Variants in NSMCE2 observed in about 807,000 individuals in gnomAD.
The protein encoded by NSMCE2 is E3 SUMO-protein ligase NSE2.
In NSMCE2, 24 loss-of-function variants were observed where a neutral mutation model predicts 23.8. The ratio of observed to expected loss-of-function variants is 1.01; its 90% CI spans 0.73 to 1.42. The LOEUF is 1.42. Among genes scored for constraint, NSMCE2 ranks in the 40% most tolerant of loss-of-function variants. The pLI is 0.00. For missense variants in NSMCE2, 284 were observed against 296.5 expected (o/e 0.96, Z 0.31); for synonymous variants, 92 against 94.1 (o/e 0.98, Z 0.13).
chr8:125,268,878 A>T (rs1334408550), intron 5 of NSMCE2, among the ~76,000 whole-genome samples: 1 of 152,224 alleles, frequency 6.6e-6, no homozygotes, highest in Admixed American at 6.5e-5. Context: ...AGCTTAGAAA[A>T]TACAAATTGA....
At position 125,178,534 on chromosome 8, in the gene NSMCE2, G is replaced by A. The variant is rs930549090; in HGVS notation, c.265-3569G>A. ...ATGTTGAAGTCCTAACCCCTAGTAG[G>A]ACCTCAGAATTTGACTGTATTTGGA... is the stretch of plus-strand genomic sequence containing the variant. On this transcript the variant is annotated intron_variant, in intron 4 of 7. Coordinates refer to ENST00000287437, the MANE Select transcript of NSMCE2 (RefSeq NM_173685.4). 2.6e-5 allele frequency among the ~76,000 whole-genome samples: 4 copies of A among 152,116 alleles called. No individual in the cohort carries two copies. The South Asian group carries it at 8.3e-4, about 32-fold the overall frequency.
intron 3 of NSMCE2, among the ~76,000 whole-genome samples, chr8:125,109,412 G>A (rs1818623112): frequency 6.6e-6 from 1 of 152,184 alleles, no homozygotes; most frequent in African/African-American, 2.4e-5. Context: ...ACAGAGAATG[G>A]ATTGGGAGAG....
At chr8:125,201,868 C>T (rs538010883) in intron 5 of NSMCE2, among the ~76,000 whole-genome samples, 10 of 152,340 alleles carry the variant, frequency 6.6e-5, no homozygotes, top group South Asian at 2.1e-4. Flanking sequence ...GCTTCTCAGC[C>T]GCTTTGTTTA....
intron 4 of NSMCE2, among the ~76,000 whole-genome samples, chr8:125,153,325 A>G (rs531788095): frequency 2.1e-4 from 32 of 152,322 alleles, no homozygotes; most frequent in African/African-American, 7.7e-4. Flanking sequence ...CTGTTCTTTT[A>G]TAGGAAGAAA....
chr8:125,331,797 T>C lies in NSMCE2; in HGVS notation c.419-25422T>C, dbSNP rs1466165355. 2.6e-5 allele frequency among the ~76,000 whole-genome samples: 4 copies of C among 152,194 alleles called. No homozygotes were observed. The East Asian group carries it at 7.7e-4, about 29-fold the overall frequency. ...AACGGTAAAGTTTCAGCGTATAGCA[T>C]GGTCCACTTCTTGCAATCACAAATT... On this transcript the variant is annotated intron_variant, in intron 5 of 7. Coordinates refer to ENST00000287437, the MANE Select transcript of NSMCE2 (RefSeq NM_173685.4).
chr8:125,309,184 G>T (rs1348070051), intron 5 of NSMCE2, among the ~76,000 whole-genome samples: 1 of 148,988 alleles, frequency 6.7e-6, no homozygotes, highest in Non-Finnish European at 1.5e-5. Context: ...AGAGGCAGAG[G>T]TTGCAATGAG....
At chr8:125,181,609 T>C (rs1563702332) in intron 4 of NSMCE2, among the ~76,000 whole-genome samples, 1 of 152,138 alleles carries the variant, frequency 6.6e-6, no homozygotes, top group Non-Finnish European at 1.5e-5. Context: ...CACTTATTCC[T>C]TGGCATGGCA....
At chr8:125,353,772 A>G (rs1441672283) in intron 5 of NSMCE2, among the ~76,000 whole-genome samples, 1 of 151,312 alleles carries the variant, frequency 6.6e-6, no homozygotes, top group Non-Finnish European at 1.5e-5. Flanking sequence ...AGTCCCAGCT[A>G]TTTGGGAGGC....
intron 5 of NSMCE2, among the ~76,000 whole-genome samples, chr8:125,329,473 T>C (rs151199598): frequency 6.6e-6 from 1 of 152,334 alleles, no homozygotes; most frequent in East Asian, 1.9e-4. Context: ...ACAAGCATCA[T>C]GTTTTGTTTA....
At chr8:125,157,349 T>C (rs1821381260) in intron 4 of NSMCE2, among the ~76,000 whole-genome samples, 1 of 152,230 alleles carries the variant, frequency 6.6e-6, no homozygotes, top group African/African-American at 2.4e-5. Flanking sequence ...ACTCTTAACA[T>C]GTTTCTTATC....
intron 3 of NSMCE2, among the ~76,000 whole-genome samples, chr8:125,135,770 C>T (rs555166564): frequency 2.0e-5 from 3 of 152,268 alleles, no homozygotes; most frequent in South Asian, 4.1e-4. Flanking sequence ...ATCTCTTTTT[C>T]CATCTTCATG....
intron 5 of NSMCE2, among the ~76,000 whole-genome samples, chr8:125,188,628 CATAAT>C (rs1823213757): frequency 6.6e-6 from 1 of 152,304 alleles, no homozygotes; most frequent in Admixed American, 6.5e-5. Context: ...TTTACTTTCT[CATAAT>C]ATAATTTTTT....
chr8:125,325,066 T>C (rs1829608679), intron 5 of NSMCE2, among the ~76,000 whole-genome samples: 1 of 152,152 alleles, frequency 6.6e-6, no homozygotes, highest in African/African-American at 2.4e-5. Context: ...GTGTACATTA[T>C]CAAATTATAT....
chr8:125,154,511 TAAAA>T (rs56201104), intron 4 of NSMCE2, among the ~76,000 whole-genome samples: 1 of 124,036 alleles, frequency 8.1e-6, no homozygotes. Context: ...CTCTGAAAGT[TAAAA>T]AAAAAAAAAA....
intron 3 of NSMCE2, among the ~76,000 whole-genome samples, chr8:125,135,714 T>C (rs1405372285): frequency 6.6e-6 from 1 of 152,248 alleles, no homozygotes; most frequent in Non-Finnish European, 1.5e-5. Flanking sequence ...TGTTTAGTTG[T>C]CCATGTAGGT....
intron 5 of NSMCE2, among the ~76,000 whole-genome samples, chr8:125,304,720 G>A (rs1828686306): frequency 6.6e-6 from 1 of 152,076 alleles, no homozygotes; most frequent in South Asian, 2.1e-4. Flanking sequence ...AGCCAGGCAT[G>A]GTAGCATGGG....
At chr8:125,350,727 A>G (rs1181124011) in intron 5 of NSMCE2, among the ~76,000 whole-genome samples, 1 of 152,214 alleles carries the variant, frequency 6.6e-6, no homozygotes, top group Non-Finnish European at 1.5e-5. Context: ...CAAGAACAGC[A>G]TGGGAAAGAT....
chr8:125,132,773 G>A (rs903630550), intron 3 of NSMCE2, among the ~76,000 whole-genome samples: 1 of 152,168 alleles, frequency 6.6e-6, no homozygotes, highest in African/African-American at 2.4e-5. Flanking sequence ...GGGATTATAG[G>A]TGTGAGCCAC....
intron 5 of NSMCE2, among the ~76,000 whole-genome samples, chr8:125,317,661 A>G (rs1829264886): frequency 6.6e-6 from 1 of 152,246 alleles, no homozygotes; most frequent in South Asian, 2.1e-4. Flanking sequence ...AACTCAGTAT[A>G]GCAACACTAT....
Sources: gnomAD v4.1 joint callset for allele counts (sites outside exome capture counted in the v4.1 genomes callset) on GRCh38, gnomAD v4.1.1 for gene constraint, MANE v1.5 for transcripts, NCBI Gene and HGNC (gene_info 2026-07-23, HGNC 2026-07-21) for gene names.